The following CNTN4 variants were observed in gnomAD, a reference collection of about 807,000 sequenced individuals.
CNTN4 encodes contactin-4.
Under a neutral mutation model 122.5 loss-of-function variants are expected in CNTN4, and 77 were observed. The ratio of observed to expected loss-of-function variants is 0.63; its 90% CI spans 0.52 to 0.76. CNTN4 has a LOEUF of 0.76. CNTN4 is among the 30% of genes least tolerant of loss of function. CNTN4 has a pLI of 0.00. For synonymous variants in CNTN4, 512 were observed against 447.0 expected, an observed-to-expected ratio of 1.15 and a Z score of -1.83; for missense variants, 1,256 against 1,259.1, an observed-to-expected ratio of 1.00 and a Z score of 0.04.
intron 2 of CNTN4, among the ~76,000 whole-genome samples, chr3:2,124,567 G>T (rs1251232367): frequency 6.6e-6 from 1 of 151,642 alleles, no homozygotes; most frequent in Non-Finnish European, 1.5e-5. Flanking sequence ...TTCAAGACCA[G>T]CTGGAGCAAC....
intron 13 of CNTN4, among the ~76,000 whole-genome samples, chr3:2,958,797 G>T (rs934984981): frequency 1.3e-5 from 2 of 152,146 alleles, no homozygotes; most frequent in African/African-American, 2.4e-5. Context: ...TTGGAGAGGG[G>T]TATTCTGGGT....
chr3:2,574,043 C>G (rs1029505866), intron 4 of CNTN4, among the ~76,000 whole-genome samples: 1 of 151,990 alleles, frequency 6.6e-6, no homozygotes, highest in Non-Finnish European at 1.5e-5. Context: ...ATGAAGAAGC[C>G]CCGTCTCTAC....
chr3:2,959,175 C>T (rs1445545223), intron 13 of CNTN4, among the ~76,000 whole-genome samples: 1 of 152,088 alleles, frequency 6.6e-6, no homozygotes, highest in African/African-American at 2.4e-5. Flanking sequence ...AATATTATTA[C>T]AGGAAACTAC....
At chr3:2,265,946 A>T (rs2041026718) in intron 2 of CNTN4, among the ~76,000 whole-genome samples, 1 of 152,076 alleles carries the variant, frequency 6.6e-6, no homozygotes, top group Admixed American at 6.6e-5. Flanking sequence ...GAATTTGTGT[A>T]TCAGATTTAA....
At chr3:2,883,903 T>A (rs188864488) in intron 9 of CNTN4, among the ~76,000 whole-genome samples, 1 of 152,328 alleles carries the variant, frequency 6.6e-6, no homozygotes, top group East Asian at 1.9e-4. Context: ...TCATTTGGGA[T>A]TTTTATTTGC....
chr3:2,854,834 A>C (rs546897030), intron 7 of CNTN4, among the ~76,000 whole-genome samples: 1 of 152,168 alleles, frequency 6.6e-6, no homozygotes, highest in African/African-American at 2.4e-5. Flanking sequence ...CCACCATTCA[A>C]CATTTTTTTC....
intron 4 of CNTN4, among the ~76,000 whole-genome samples, chr3:2,614,675 G>A (rs1183802743): frequency 6.6e-6 from 1 of 152,120 alleles, no homozygotes; most frequent in Non-Finnish European, 1.5e-5. Flanking sequence ...AGATGTGTAG[G>A]AAGCAGGTTC....
chr3:2,324,045 G>T (rs769737581), intron 2 of CNTN4, among the ~76,000 whole-genome samples: 1 of 152,186 alleles, frequency 6.6e-6, no homozygotes, highest in Non-Finnish European at 1.5e-5. Context: ...GTTCATTATA[G>T]GATATTTATC....
chr3:2,332,929 G>A (rs1046973348), intron 2 of CNTN4, among the ~76,000 whole-genome samples: 1 of 152,112 alleles, frequency 6.6e-6, no homozygotes, highest in East Asian at 1.9e-4. Flanking sequence ...CTCGAGAGCA[G>A]TGTCAAAGGC....
At chr3:2,218,553 T>G (rs1339960524) in intron 2 of CNTN4, among the ~76,000 whole-genome samples, 1 of 152,002 alleles carries the variant, frequency 6.6e-6, no homozygotes, top group Non-Finnish European at 1.5e-5. Flanking sequence ...TAAAAAAAAG[T>G]TTTTTGACAC....
chr3:2,716,611 C>T (rs2087512602), intron 4 of CNTN4, among the ~76,000 whole-genome samples: 1 of 152,080 alleles, frequency 6.6e-6, no homozygotes, highest in South Asian at 2.1e-4. Flanking sequence ...AGAAGAGATA[C>T]ACTCCATATG....
intron 8 of CNTN4, among the ~76,000 whole-genome samples, chr3:2,876,148 C>A (rs917208530): frequency 1.3e-5 from 2 of 152,144 alleles, no homozygotes; most frequent in African/African-American, 4.8e-5. Flanking sequence ...GATGTGACAC[C>A]TTGAGATACC....
chr3:3,042,704 C>T (rs1280051275), intron 21 of CNTN4: 2 of 585,506 alleles, frequency 3.4e-6, no homozygotes, highest in Non-Finnish European at 6.0e-6. Context: ...CCCAGGATCA[C>T]TTTGACTCAA....
At chr3:2,478,768 C>A (rs1435101520) in intron 3 of CNTN4, among the ~76,000 whole-genome samples, 1 of 152,116 alleles carries the variant, frequency 6.6e-6, no homozygotes, top group Admixed American at 6.6e-5. Context: ...TGATCTCATT[C>A]TTTTTTATGG....
rs375718791 is a variant in CNTN4, at chr3:3,043,059, C to A, written c.2594C>A (p.Thr865Lys). Residue 865 changes from threonine to lysine, a missense_variant, in exon 22 of 25, where the codon ACG (threonine) becomes AAG (lysine). Thr to Lys is a moderately conservative substitution (Grantham distance 78). Coordinates refer to ENST00000418658, the MANE Select transcript of CNTN4 (RefSeq NM_175607.3). Reference sequence around the variant, plus strand: ...GGAAATCAGACATCAACAAAAATCACGAACTTAAAAGGCAGTGTGCTGTAT... The same window carrying A: ...GGAAATCAGACATCAACAAAAATCAAGAACTTAAAAGGCAGTGTGCTGTAT... ...TVGNQTSTKI[T>K]NLKGSVLYHL... The A allele has an allele frequency of 7.4e-6, 12 of 1,613,976 alleles. No homozygotes were observed. In the African/African-American group the frequency reaches 1.5e-4, roughly 20 times the overall value.
chr3:3,004,526 G>A (rs1696415012), intron 14 of CNTN4, among the ~76,000 whole-genome samples: 1 of 152,148 alleles, frequency 6.6e-6, no homozygotes, highest in African/African-American at 2.4e-5. Flanking sequence ...TTCTTCTAAT[G>A]TATTATAGAG....
At chr3:2,497,763 A>G (rs1183800594) in intron 3 of CNTN4, among the ~76,000 whole-genome samples, 1 of 152,198 alleles carries the variant, frequency 6.6e-6, no homozygotes, top group Non-Finnish European at 1.5e-5. Flanking sequence ...CTTATAGAGC[A>G]CTTAACAGAA....
intron 2 of CNTN4, among the ~76,000 whole-genome samples, chr3:2,334,946 A>T (rs2043883229): frequency 6.6e-6 from 1 of 152,228 alleles, no homozygotes; most frequent in Non-Finnish European, 1.5e-5. Flanking sequence ...GAAAGGGTCT[A>T]GATCAGGACT....
At chr3:2,176,654 G>T in intron 2 of CNTN4, among the ~76,000 whole-genome samples, 1 of 152,142 alleles carries the variant, frequency 6.6e-6, no homozygotes, top group East Asian at 1.9e-4. Context: ...AGTGTCAACA[G>T]ATTAGCATGA....
Sources: gnomAD v4.1 joint callset for allele counts (sites outside exome capture counted in the v4.1 genomes callset) on GRCh38, gnomAD v4.1.1 for gene constraint, MANE v1.5 for transcripts, NCBI Gene and HGNC (gene_info 2026-07-23, HGNC 2026-07-21) for gene names.